TRPC3: variants seen among roughly 807,000 people sequenced by gnomAD.
TRPC3 encodes the protein short transient receptor potential channel 3.
A neutral mutation model predicts 90.9 loss-of-function variants in TRPC3; 54 were observed. The ratio of observed to expected loss-of-function variants is 0.59; its 90% confidence interval spans 0.48 to 0.75. The LOEUF (loss-of-function observed/expected upper bound fraction) is 0.75. TRPC3 is among the 30% of genes least tolerant of loss of function. The pLI is 0.00. For synonymous variants in TRPC3, 424 were observed against 450.9 expected (o/e 0.94, Z 0.75); for missense variants, 918 against 1,194.5 (o/e 0.77, Z 3.41).
At position 121,951,995 on chromosome 4, in the gene TRPC3, C is replaced by G. The variant is rs1730794253; in HGVS notation, c.-315G>C. ...AGGCTCTCCAGCCCCGCGGCGGCGG[C>G]GATGCCTCCTCGGCGCCCGTCTCCT... On this transcript the variant is annotated 5_prime_UTR_variant, in exon 1 of 12. Transcript: ENST00000379645. The surrounding 1 kb of genome is among the most constrained non-coding windows in gnomAD (Gnocchi z 4.4). 6.7e-6 allele frequency among the ~76,000 whole-genome samples: 1 copy of G among 149,634 alleles called. No individual in the cohort carries two copies. Among genetic ancestry groups the G allele is most frequent in the South Asian group, 2.2e-4 (1 of 4,604 alleles).
intron 3 of TRPC3, among the ~76,000 whole-genome samples, chr4:121,916,635 A>C (rs936705653): frequency 4.6e-5 from 7 of 152,144 alleles, no homozygotes; most frequent in African/African-American, 1.7e-4. Context: ...AGCAGTCTGC[A>C]ACCCAGAGGA....
chr4:121,949,489 G>A (rs1460896217), intron 1 of TRPC3, among the ~76,000 whole-genome samples: 1 of 152,016 alleles, frequency 6.6e-6, no homozygotes, highest in African/African-American at 2.4e-5. Flanking sequence ...GTCCATCCTA[G>A]GGCTGTCGTG....
At chr4:121,915,027 A>G in intron 3 of TRPC3, 83 bp from the exon 4 acceptor site, 1 of 1,206,490 alleles carries the variant, frequency 8.3e-7, no homozygotes, top group Non-Finnish European at 1.1e-6. Flanking sequence ...TTAAATACAC[A>G]TGCATCCTAA....
chr4:121,881,265 C>A, intron 11 of TRPC3, among the ~76,000 whole-genome samples: 1 of 152,122 alleles, frequency 6.6e-6, no homozygotes, highest in East Asian at 1.9e-4. Context: ...GACACATTTT[C>A]TTAGTAAGAA....
At chr4:121,927,261 T>C (rs1402570008) in intron 2 of TRPC3, among the ~76,000 whole-genome samples, 1 of 152,210 alleles carries the variant, frequency 6.6e-6, no homozygotes, top group Non-Finnish European at 1.5e-5. Flanking sequence ...CATAAGGAAG[T>C]CAGCTGGTAG....
In TRPC3 at chr4:121,951,774, TC is replaced by T; in HGVS notation, c.-95del. ...CTTCCCGCGGCGCCCCTTCACCACC[TC>T]CCGCGGCTTCCGGGGCCCCGGGCGG... is the stretch of plus-strand genomic sequence containing the variant. On this transcript the variant is annotated 5_prime_UTR_variant, in exon 1 of 12. It introduces an in-frame stop codon into an upstream open reading frame of the 5' UTR. Transcript: ENST00000379645. The surrounding 1 kb of genome is among the most constrained non-coding windows in gnomAD (Gnocchi z 4.4). 9.3e-7 allele frequency: 1 copy of T among 1,073,298 alleles called. No individual in the cohort carries two copies. Among genetic ancestry groups the T allele is most frequent in the South Asian group, 3.6e-5 (1 of 28,164 alleles). The allele number at this position is 1,073,298 out of a possible 1,614,324, so 66.5% of individuals were successfully genotyped here.
chr4:121,945,392 C>A (rs982154411), intron 1 of TRPC3, among the ~76,000 whole-genome samples: 1 of 152,152 alleles, frequency 6.6e-6, no homozygotes, highest in African/African-American at 2.4e-5. Context: ...ACACAAATTT[C>A]ATCTTCCATG....
intron 1 of TRPC3, among the ~76,000 whole-genome samples, chr4:121,943,327 T>C (rs1730383402): frequency 6.6e-6 from 1 of 152,184 alleles, no homozygotes; most frequent in African/African-American, 2.4e-5. Flanking sequence ...AAAAGTAATG[T>C]CAACAATCAT....
Position 121,951,648 on chromosome 4 carries a change from T to C in TRPC3, c.33A>G (p.Gln11=). 1 of 1,398,658 alleles carries C rather than the reference T, an allele frequency of 7.1e-7. No homozygotes were observed. Among genetic ancestry groups the C allele is most frequent in the Non-Finnish European group, 9.4e-7 (1 of 1,066,642 alleles). 86.6% of individuals were successfully genotyped at this position (1,398,658 alleles called of 1,614,324 possible). The change falls in exon 1 of 12, where the codon CAA becomes CAG. Residue 11 remains glutamine, a synonymous_variant. Transcript: ENST00000379645. This position sits in a 1 kb window ranked among gnomAD's most constrained non-coding sequence, Gnocchi z 4.4. ...CCGGCGCCGGGAAGGTCACCCTTGCTTGTTCTTTGCACTTCCTGACCTTGG... is the reference window on the plus strand; with the variant it reads ...CCGGCGCCGGGAAGGTCACCCTTGCCTGTTCTTTGCACTTCCTGACCTTGG... MSTKVRKCKE[Q]ARVTFPAPEE...
chr4:121,915,092 T>C (rs1578629804), intron 3 of TRPC3, 148 bp from the exon 4 acceptor site: 8 of 641,782 alleles, frequency 1.2e-5, no homozygotes, highest in Non-Finnish European at 1.9e-5. Flanking sequence ...TCTGGTAATA[T>C]TCTTCTTAGC....
intron 7 of TRPC3, among the ~76,000 whole-genome samples, chr4:121,906,023 T>A (rs541686509): frequency 3.3e-5 from 5 of 152,076 alleles, no homozygotes; most frequent in African/African-American, 1.2e-4. Flanking sequence ...CGAATCTATA[T>A]GGAGTGCATG....
intron 1 of TRPC3, among the ~76,000 whole-genome samples, chr4:121,936,051 C>A (rs1730118264): frequency 6.6e-6 from 1 of 152,116 alleles, no homozygotes; most frequent in Admixed American, 6.5e-5. Context: ...ACTTCTGACA[C>A]TGAGAAGTGA....
chr4:121,924,673 T>C (rs1224138568), intron 3 of TRPC3, among the ~76,000 whole-genome samples: 3 of 152,176 alleles, frequency 2.0e-5, no homozygotes, highest in Non-Finnish European at 4.4e-5. Flanking sequence ...CCTGAGTAGC[T>C]GGAACTACAG....
At chr4:121,886,782 A>C (rs971328830) in intron 10 of TRPC3, among the ~76,000 whole-genome samples, 1 of 151,968 alleles carries the variant, frequency 6.6e-6, no homozygotes, top group African/African-American at 2.4e-5. Context: ...TAGGTTTCCC[A>C]GTTCTGTTGA....
At chr4:121,935,625 T>G (rs1560715775) in intron 1 of TRPC3, among the ~76,000 whole-genome samples, 1 of 152,202 alleles carries the variant, frequency 6.6e-6, no homozygotes, top group African/African-American at 2.4e-5. Flanking sequence ...TATTAATCTA[T>G]GAACTGATAT....
chr4:121,880,508 A>G (rs934255950), intron 11 of TRPC3, among the ~76,000 whole-genome samples: 10 of 152,200 alleles, frequency 6.6e-5, no homozygotes, highest in Non-Finnish European at 1.3e-4. Flanking sequence ...TACCACTGAC[A>G]ATATATTCCT....
chr4:121,927,638 A>T (rs1405784653), intron 2 of TRPC3, among the ~76,000 whole-genome samples: 1 of 152,232 alleles, frequency 6.6e-6, no homozygotes, highest in African/African-American at 2.4e-5. Flanking sequence ...AAACCACGTC[A>T]TCAGCTAAAA....
Position 121,932,497 on chromosome 4 carries a change from A to C in TRPC3, c.761T>G (p.Met254Arg). ...CGGCCGCTCGATCCTGGCACCCTTC[A>C]TCAGCAGCATGTGCACCACTTCGTA... Reference protein sequence around the residue: ...QKYEVVHMLLMKGARIERPHD... With the variant: ...QKYEVVHMLLRKGARIERPHD... Residue 254 changes from methionine (M) to arginine (R), a missense_variant, in exon 2 of 12, where the codon ATG (methionine) becomes AGG (arginine). This residue lies in a region of TRPC3 where 609 missense variants were observed against 725.9 expected (regional missense o/e 0.84). Transcript: ENST00000379645. This position sits in a 1 kb window ranked among gnomAD's most constrained non-coding sequence, Gnocchi z 7.7. 6.2e-7 allele frequency: 1 copy of C among 1,614,198 alleles called. No homozygotes were observed.
rs1306399114 is a variant in TRPC3, at chr4:121,876,522, A to G, written c.*3214T>C. On this transcript the variant is annotated 3_prime_UTR_variant, in exon 12 of 12. Transcript: ENST00000379645. ...GTTCTCTTTAGACATTGTCCATCAG[A>G]CAATTTATCTTCCCATTTACAAAAG... 6.6e-6 allele frequency among the ~76,000 whole-genome samples: 1 copy of G among 152,208 alleles called. No individual in the cohort carries two copies. Among genetic ancestry groups the G allele is most frequent in the East Asian group, 1.9e-4 (1 of 5,198 alleles).
Sources: gnomAD v4.1 joint callset for allele counts (sites outside exome capture counted in the v4.1 genomes callset) on GRCh38, gnomAD v4.1.1 for gene constraint, gnomAD v4.1.1 regional missense constraint, Gnocchi (gnomAD v3.1) non-coding constraint, MANE v1.5 for transcripts, NCBI Gene and HGNC (gene_info 2026-07-23, HGNC 2026-07-21) for gene names.